The following TF variants were observed in gnomAD, a reference collection of about 807,000 sequenced individuals.
The protein encoded by TF is serotransferrin.
TF carries 55 observed loss-of-function variants against 82.4 expected under a neutral mutation model. The ratio of observed to expected loss-of-function variants is 0.67; its 90% CI spans 0.54 to 0.84. The LOEUF is 0.84. Among genes scored for constraint, TF ranks in the 40% least tolerant of loss-of-function variants. The probability of loss-of-function intolerance (pLI) is 0.00; values close to 1 mark genes in which losing one functional copy is unlikely to be tolerated. For missense variants in TF, 737 were observed against 868.4 expected (o/e 0.85, Z 1.90); for synonymous variants, 332 against 332.6 (o/e 1.00, Z 0.02).
intron 1 of TF, among the ~76,000 whole-genome samples, chr3:133,747,747 CAGAG>C (rs1217961842): frequency 1.3e-5 from 2 of 152,174 alleles, no homozygotes; most frequent in Non-Finnish European, 2.9e-5. Flanking sequence ...TCTTCCTAAA[CAGAG>C]AGCAACAGAC....
chr3:133,704,381 A>G, the TF span: 1 of 211,234 alleles, frequency 4.7e-6, no homozygotes, highest in East Asian at 1.1e-4. Flanking sequence ...TGGGCATAGA[A>G]AGATGAGGAA....
At chr3:133,664,758 A>C in the TF span, among the ~76,000 whole-genome samples, 2 of 152,194 alleles carry the variant, frequency 1.3e-5, no homozygotes, top group Non-Finnish European at 2.9e-5. Context: ...CAAATTTTAC[A>C]TAAAAATTGT....
the TF span, among the ~76,000 whole-genome samples, chr3:133,698,813 G>A: frequency 8.0e-3 from 1,223 of 152,280 alleles, 21 homozygotes; most frequent in African/African-American, 0.028. Context: ...TCAATACCTA[G>A]ACAATGGAAT....
chr3:133,732,892 T>C, the TF span, among the ~76,000 whole-genome samples: 2 of 152,194 alleles, frequency 1.3e-5, no homozygotes, highest in African/African-American at 2.4e-5. Flanking sequence ...CCTAATTCAC[T>C]GTCCAACCTG....
chr3:133,770,398 C>G, intron 13 of TF, 110 bp from the exon 14 acceptor site: 1 of 918,000 alleles, frequency 1.1e-6, no homozygotes, highest in Non-Finnish European at 1.8e-6. Context: ...ATGGAAGTTA[C>G]AGTTGCTGTT....
At chr3:133,774,892 A>T (rs1163681129) in intron 14 of TF, 4 of 354,588 alleles carry the variant, frequency 1.1e-5, no homozygotes, top group Non-Finnish European at 2.2e-5. Flanking sequence ...CAATACAGAA[A>T]AGAAGAGGCA....
At chr3:133,670,135 C>G in the TF span, among the ~76,000 whole-genome samples, 1 of 152,192 alleles carries the variant, frequency 6.6e-6, no homozygotes, top group Non-Finnish European at 1.5e-5. Flanking sequence ...AGCAGGCTGC[C>G]TAGTTTGAAT....
chr3:133,699,368 C>A, the TF span: 1 of 737,556 alleles, frequency 1.4e-6, no homozygotes, highest in Non-Finnish European at 2.1e-6. Context: ...TTTGATGGTT[C>A]GGTGAGGGGC....
At chr3:133,758,590 C>G (rs1250834596) in intron 8 of TF, among the ~76,000 whole-genome samples, 1 of 152,122 alleles carries the variant, frequency 6.6e-6, no homozygotes, top group Non-Finnish European at 1.5e-5. Context: ...AATATGACAA[C>G]AAAATACCAT....
the TF span, among the ~76,000 whole-genome samples, chr3:133,673,569 C>A: frequency 2.0e-5 from 3 of 152,186 alleles, no homozygotes; most frequent in Non-Finnish European, 2.9e-5. Flanking sequence ...GAATCTCACA[C>A]ATAGCATCTC....
the TF span, among the ~76,000 whole-genome samples, chr3:133,699,044 G>A: frequency 6.6e-6 from 1 of 152,224 alleles, no homozygotes; most frequent in African/African-American, 2.4e-5. Context: ...CTGAGTCTCA[G>A]TTTCTTCATC....
chr3:133,684,545 A>G, the TF span, among the ~76,000 whole-genome samples: 1 of 152,244 alleles, frequency 6.6e-6, no homozygotes, highest in Non-Finnish European at 1.5e-5. Flanking sequence ...CCACAGAAAT[A>G]CAAACTACCA....
the TF span, among the ~76,000 whole-genome samples, chr3:133,670,257 A>G: frequency 2.3e-4 from 35 of 152,252 alleles, no homozygotes; most frequent in African/African-American, 8.2e-4. Flanking sequence ...TTATGGGGTT[A>G]CTATCATTTA....
the TF span, among the ~76,000 whole-genome samples, chr3:133,692,497 C>T: frequency 1.3e-4 from 20 of 152,154 alleles, no homozygotes; most frequent in Admixed American, 2.6e-4. Context: ...TCCCTAAGTG[C>T]GCTCCACTCA....
chr3:133,752,168 C>T (rs956559759), intron 2 of TF, among the ~76,000 whole-genome samples: 57 of 149,790 alleles, frequency 3.8e-4, no homozygotes, highest in African/African-American at 1.4e-3. Flanking sequence ...TCTCGGCTCA[C>T]TGCAACCTCT....
chr3:133,743,628 G>A (rs1264547336), upstream of TF, among the ~76,000 whole-genome samples: 1 of 152,124 alleles, frequency 6.6e-6, no homozygotes, highest in African/African-American at 2.4e-5. Context: ...AGATACAGAT[G>A]CTAAAGCACC....
chr3:133,724,710 T>A, the TF span, among the ~76,000 whole-genome samples: 3 of 152,258 alleles, frequency 2.0e-5, no homozygotes, highest in Non-Finnish European at 2.9e-5. Flanking sequence ...TTTTGGTGTT[T>A]TAGACATGAA....
upstream of TF, chr3:133,746,062 G>GCACGGACCAGCTCTGCAGCCCTGGTGA (rs1933488092): frequency 2.5e-6 from 1 of 398,470 alleles, no homozygotes; most frequent in African/African-American, 2.1e-5. Context: ...AGGACTGGTG[G>GCACGGACCAGCTCTGCAGCCCTGGTGA]CACGGACCAG....
the TF span, among the ~76,000 whole-genome samples, chr3:133,701,529 A>G: frequency 6.6e-6 from 1 of 152,132 alleles, no homozygotes; most frequent in Non-Finnish European, 1.5e-5. Context: ...ACGTGGGCAT[A>G]TGGTGGTGAG....
Sources: gnomAD v4.1 joint callset for allele counts (sites outside exome capture counted in the v4.1 genomes callset) on GRCh38, gnomAD v4.1.1 for gene constraint, MANE v1.5 for transcripts, NCBI Gene and HGNC (gene_info 2026-07-23, HGNC 2026-07-21) for gene names.